The following MAST2 variants were observed in gnomAD, a reference collection of about 807,000 sequenced individuals.
The protein encoded by MAST2 is microtubule-associated serine/threonine-protein kinase 2.
In MAST2, 70 loss-of-function variants were observed where a neutral mutation model predicts 147.4. That is an observed-to-expected ratio of 0.47 (90% CI 0.39 to 0.58). The LOEUF is 0.58. Among genes scored for constraint, MAST2 ranks in the 20% least tolerant of loss-of-function variants. The probability of loss-of-function intolerance (pLI) is 0.00; values close to 1 mark genes in which losing one functional copy is unlikely to be tolerated. For synonymous variants in MAST2, 869 were observed against 896.8 expected, an observed-to-expected ratio of 0.97 and a Z score of 0.55; for missense variants, 2,080 against 2,302.3, an observed-to-expected ratio of 0.90 and a Z score of 1.98.
intron 3 of MAST2, among the ~76,000 whole-genome samples, chr1:45,879,781 A>G (rs1329037996): frequency 6.6e-6 from 1 of 152,214 alleles, no homozygotes; most frequent in Admixed American, 6.5e-5. Flanking sequence ...GATGGTTAAT[A>G]AGCACATGAA....
In MAST2 at chr1:45,964,878, G is replaced by A. The variant is rs531812982; in HGVS notation, c.592+5401G>A. Among the ~76,000 whole-genome samples, 289 of 151,924 alleles carry A rather than the reference G, an allele frequency of 1.9e-3. 1 individual carries two copies. The highest frequency in any genetic ancestry group is 6.1e-3 in the African/African-American group (253 of 41,422). ...TTTAGTGCTATAAATTTCCCTCTACGTACTGCTTTAAATATGTCCCAGAGA... is the reference window on the plus strand; with the variant it reads ...TTTAGTGCTATAAATTTCCCTCTACATACTGCTTTAAATATGTCCCAGAGA... On this transcript the variant is annotated intron_variant, in intron 5 of 28. Transcript: ENST00000361297.
Position 46,022,980 on chromosome 1 carries a change from C to T in MAST2, c.1485+9C>T, listed in dbSNP as rs1646251680. ...CAGATGATTCTATTGAGGTAAAAAC[C>T]CTGAGCTCCTACCCCATTCCTGGAG... On this transcript the variant is annotated intron_variant, in intron 13 of 28. Transcript: ENST00000361297. 6 of 1,613,292 alleles carry T rather than the reference C, an allele frequency of 3.7e-6. No homozygotes were observed. Among genetic ancestry groups the T allele is most frequent in the African/African-American group, 1.3e-5 (1 of 74,900 alleles).
chr1:45,986,716 CAAAAAAA>C (rs201589013), intron 5 of MAST2, among the ~76,000 whole-genome samples: 62 of 120,182 alleles, frequency 5.2e-4, no homozygotes, highest in Admixed American at 1.3e-3. Flanking sequence ...GACTCCGTCT[CAAAAAAA>C]AAAAAAAAAA....
At chr1:45,843,945 C>G (rs1645352156) in intron 3 of MAST2, among the ~76,000 whole-genome samples, 1 of 152,168 alleles carries the variant, frequency 6.6e-6, no homozygotes, top group African/African-American at 2.4e-5. Flanking sequence ...TTTGCCTGAA[C>G]AAATTCGGAG....
chr1:46,005,772 G>A (rs1432591621), intron 7 of MAST2, among the ~76,000 whole-genome samples: 1 of 152,188 alleles, frequency 6.6e-6, no homozygotes. Context: ...TGGCCAGCTT[G>A]AGTGAGTCTG....
intron 4 of MAST2, among the ~76,000 whole-genome samples, chr1:45,947,472 T>A (rs1169815984): frequency 6.6e-6 from 1 of 152,118 alleles, no homozygotes; most frequent in Non-Finnish European, 1.5e-5. Context: ...TCTTAGTAAT[T>A]GTTAGATATT....
At position 46,026,612 on chromosome 1, in the gene MAST2, A is replaced by ATTTTC. The variant is rs1482864290; in HGVS notation, c.1919+797_1919+798insTTTTC. On this transcript the variant is annotated intron_variant, in intron 16 of 28. Coordinates refer to ENST00000361297, the MANE Select transcript of MAST2 (RefSeq NM_015112.3). ...CCAAAGAGATACCGAGACCAGGGAA[A>ATTTTC]GACAGCAATGCCTGCAGCAGAACAG... 7.2e-5 allele frequency among the ~76,000 whole-genome samples: 11 copies of ATTTTC among 152,292 alleles called. 1 individual carries two copies. The South Asian group carries it at 1.7e-3, about 23-fold the overall frequency.
chr1:46,031,691 C>T lies in MAST2; in HGVS notation c.3187+106C>T, dbSNP rs1280356984. 31 of 1,118,130 alleles carry T rather than the reference C, an allele frequency of 2.8e-5. No homozygotes were observed. In the South Asian group the frequency reaches 4.4e-4, roughly 16 times the overall value. The allele number at this position is 1,118,130 out of a possible 1,614,324, so 69.3% of individuals were successfully genotyped here. On this transcript the variant is annotated intron_variant, in intron 24 of 28. Transcript: ENST00000361297. The surrounding 1 kb of genome is among the most constrained non-coding windows in gnomAD (Gnocchi z 4.1). ...CAGGTGTGTGTGTGTGTGTTAAGCA[C>T]AGATCTGACTGTGGTCTCTGAAGGT...
rs370950575 is a variant in MAST2 at position 45,839,129 on chromosome 1, A to ATTTTTTTTTTTTT, written c.468+9553_468+9565dup. On this transcript the variant is annotated intron_variant, in intron 3 of 28. Transcript: ENST00000361297. ...GCTGGGACTACAGGCACCATCACAA[A>ATTTTTTTTTTTTT]TTTTTTTTTTTTTTTTTGAGACGGA... 3.1e-4 allele frequency among the ~76,000 whole-genome samples: 39 copies of ATTTTTTTTTTTTT among 127,608 alleles called. 2 individuals are homozygous for ATTTTTTTTTTTTT. Among genetic ancestry groups the ATTTTTTTTTTTTT allele is most frequent in the Non-Finnish European group, 4.0e-4 (25 of 62,124 alleles). The allele number at this position is 127,608 out of a possible 152,430, so 83.7% of individuals were successfully genotyped here. A position where few individuals can be genotyped will look rare whatever the true frequency, so the allele number is the denominator to read the frequency against.
intron 7 of MAST2, among the ~76,000 whole-genome samples, chr1:46,003,411 C>T (rs1255253337): frequency 6.6e-6 from 1 of 152,082 alleles, no homozygotes; most frequent in Non-Finnish European, 1.5e-5. Flanking sequence ...AATGTTTTAG[C>T]CTAAAACACA....
chr1:46,034,214 C>T lies in MAST2; in HGVS notation c.3816C>T (p.Ser1272=). 2 of 1,614,076 alleles carry T rather than the reference C, an allele frequency of 1.2e-6. No individual in the cohort carries two copies. The highest frequency in any genetic ancestry group is 1.7e-6 in the Non-Finnish European group (2 of 1,179,996). ...PGSPTHSHSL[S]PRSPTQGYRV... ...CTCCCACACACAGCCACAGCCTTTCCCCCCGATCTCCCACTCAAGGCTACC... is the reference window on the plus strand; with the variant it reads ...CTCCCACACACAGCCACAGCCTTTCTCCCCGATCTCCCACTCAAGGCTACC... The change falls in exon 28 of 29, where the codon TCC becomes TCT. Residue 1272 remains serine (S), a synonymous_variant. Coordinates refer to ENST00000361297, the MANE Select transcript of MAST2 (RefSeq NM_015112.3).
intron 10 of MAST2, among the ~76,000 whole-genome samples, chr1:46,012,026 A>G (rs1209056907): frequency 6.6e-6 from 1 of 152,252 alleles, no homozygotes; most frequent in African/African-American, 2.4e-5. Flanking sequence ...TCCTTCTACA[A>G]AAATACCTTT....
chr1:45,930,655 C>G (rs987356320), intron 4 of MAST2, among the ~76,000 whole-genome samples: 3 of 152,066 alleles, frequency 2.0e-5, no homozygotes, highest in Non-Finnish European at 4.4e-5. Flanking sequence ...CAGAACTTTT[C>G]AAGTGATTTC....
chr1:45,993,912 G>A (rs1475114642), intron 5 of MAST2, among the ~76,000 whole-genome samples: 5 of 152,076 alleles, frequency 3.3e-5, no homozygotes, highest in South Asian at 2.1e-4. Flanking sequence ...ACAGAGCTCA[G>A]AAAACCCCTA....
rs183326343 is a variant in MAST2, at chr1:45,944,013, A to T, written c.501-15373A>T. On this transcript the variant is annotated intron_variant, in intron 4 of 28. Coordinates refer to ENST00000361297, the MANE Select transcript of MAST2 (RefSeq NM_015112.3). ...AGAAGTCTCTAATAAACTTCGCTATACTCTGTGACACCCTGAATTATTTCC... is the reference window on the plus strand; with the variant it reads ...AGAAGTCTCTAATAAACTTCGCTATTCTCTGTGACACCCTGAATTATTTCC... Among the ~76,000 whole-genome samples, 14 of 152,238 alleles carry T rather than the reference A, an allele frequency of 9.2e-5. 1 individual carries two copies. The highest frequency in any genetic ancestry group is 7.8e-4 in the Admixed American group (12 of 15,296).
chr1:45,875,849 A>AGTT (rs1646582970), intron 3 of MAST2, among the ~76,000 whole-genome samples: 1 of 152,136 alleles, frequency 6.6e-6, no homozygotes, highest in Non-Finnish European at 1.5e-5. Flanking sequence ...TGTATGTACA[A>AGTT]CTATAGAGGT....
intron 1 of MAST2, among the ~76,000 whole-genome samples, chr1:45,811,662 C>G (rs1201961460): frequency 8.2e-6 from 1 of 121,890 alleles, no homozygotes; most frequent in Non-Finnish European, 1.7e-5. Flanking sequence ...GACACAGAGT[C>G]TCACTTTGTC....
chr1:46,031,170 A>G lies in MAST2; in HGVS notation c.2872A>G (p.Ile958Val), dbSNP rs372088537. ...CCTCAGGAGGCAACCACAGGAGGGT[A>G]TATGGGTCCTGACACCCCCATCTGG... ...STLRRQPQEGIWVLTPPSGEG... is the reference protein window; with the variant it reads ...STLRRQPQEGVWVLTPPSGEG... Residue 958 changes from isoleucine (I) to valine (V), a missense_variant, in exon 23 of 29, where the codon ATA becomes GTA. Ile to Val is a conservative substitution (Grantham distance 29). Coordinates refer to ENST00000361297, the MANE Select transcript of MAST2 (RefSeq NM_015112.3). The surrounding 1 kb of genome is among the most constrained non-coding windows in gnomAD (Gnocchi z 4.1). 5 of 1,596,736 alleles carry G rather than the reference A, an allele frequency of 3.1e-6. No homozygotes were observed. The highest frequency in any genetic ancestry group is 1.7e-5 in the Admixed American group (1 of 58,600).
At position 46,035,490 on chromosome 1, in the gene MAST2, C is replaced by T. The variant is rs1376141676; in HGVS notation, c.4821C>T (p.Ala1607=). 6 of 1,613,212 alleles carry T rather than the reference C, an allele frequency of 3.7e-6. No homozygotes were observed. In the African/African-American group the frequency reaches 6.7e-5, roughly 18 times the overall value. ...SAGPNLGQSG[A]TDPIPPEGCW... ...GCCCCAACCTAGGTCAGTCTGGAGC[C>T]ACAGACCCCATCCCTCCTGAAGGTT... Residue 1607 remains alanine, a synonymous_variant, in exon 29 of 29, where the codon GCC becomes GCT. Transcript: ENST00000361297. This position sits in a 1 kb window ranked among gnomAD's most constrained non-coding sequence, Gnocchi z 5.5.
Sources: allele counts gnomAD v4.1 joint callset (sites outside exome capture counted in the v4.1 genomes callset), GRCh38; gene constraint gnomAD v4.1.1; non-coding constraint Gnocchi (gnomAD v3.1); transcripts MANE v1.5; gene names NCBI Gene and HGNC (gene_info 2026-07-23, HGNC 2026-07-21).